The following MAGEA12 variants were observed in gnomAD, a reference collection of about 807,000 sequenced individuals.
MAGEA12 encodes the protein MAGE family member A12.
For synonymous variants in MAGEA12, 135 were observed against 104.7 expected (o/e 1.29, Z -1.77); for missense variants, 235 against 240.1 (o/e 0.98, Z 0.14).
At chrX:152,734,790 C>T (rs1932268671) in intron 1 of MAGEA12, among the ~76,000 whole-genome samples, 1 of 112,240 alleles carries the variant, frequency 8.9e-6, no homozygotes, top group Non-Finnish European at 1.9e-5. Context: ...CCAAGGTGTG[C>T]CCCCTTCATG....
chrX:152,736,317 G>A lies in MAGEA12; in HGVS notation c.156G>A (p.Glu52=). Residue 52 remains glutamate, a synonymous_variant, in exon 3 of 3, where the codon GAG becomes GAA. Coordinates refer to ENST00000393869, the MANE Select transcript of MAGEA12 (RefSeq NM_001166387.4). The part of the protein sequence containing the change: ...SSTLVEVTLR[E]VPAAESPSPP... The stretch of plus-strand genomic sequence containing the variant: ...CTCTAGTGGAAGTCACCCTGCGGGA[G>A]GTGCCTGCTGCCGAGTCACCAAGTC... 1 of 1,211,445 alleles carries A rather than the reference G, an allele frequency of 8.3e-7. No homozygotes were observed. The highest frequency in any genetic ancestry group is 1.7e-5 in the African/African-American group (1 of 57,658).
chrX:152,735,971 C>T (rs1932308998), intron 2 of MAGEA12, 116 bp from the exon 3 acceptor site: 2 of 475,488 alleles, frequency 4.2e-6, no homozygotes, highest in Non-Finnish European at 3.6e-6. Context: ...CCGCACCGGC[C>T]CCAGAACACA....
rs1932357767 is a variant in MAGEA12 at position 152,737,595 on chromosome X, TG to T, written c.*490del. On this transcript the variant is annotated 3_prime_UTR_variant, in exon 3 of 3. Coordinates refer to ENST00000393869, the MANE Select transcript of MAGEA12 (RefSeq NM_001166387.4). ...TATACCTCACTCTATTCTGTAAATT[TG>T]AAAAAAAAGCATGGATACCTGGATA... is the stretch of plus-strand genomic sequence containing the variant. 1.7e-5 allele frequency: 3 copies of T among 181,492 alleles called. No homozygotes were observed. Among genetic ancestry groups the T allele is most frequent in the Non-Finnish European group, 3.3e-5 (3 of 91,870 alleles). The allele number at this position is 181,492 out of a possible 1,213,427, so 15.0% of individuals were successfully genotyped here.
chrX:152,736,275 T>C lies in MAGEA12; in HGVS notation c.114T>C (p.Thr38=), dbSNP rs781840201. 8.3e-7 allele frequency: 1 copy of C among 1,211,179 alleles called. No individual in the cohort carries two copies. The highest frequency in any genetic ancestry group is 1.8e-5 in the South Asian group (1 of 56,961). Residue 38 remains threonine (T), a synonymous_variant, in exon 3 of 3, where the codon ACT becomes ACC. Coordinates refer to ENST00000393869, the MANE Select transcript of MAGEA12 (RefSeq NM_001166387.4). ...AQAPATEEQE[T]ASSSSTLVEV... ...CTCCTGCTACTGAGGAGCAGGAGAC[T>C]GCCTCCTCCTCCTCTACTCTAGTGG...
rs782159959 is a variant in MAGEA12 at position 152,736,947 on chromosome X, C to T, written c.786C>T (p.Pro262=). Residue 262 remains proline (P), a synonymous_variant, in exon 3 of 3, where the codon CCC becomes CCT. Transcript: ENST00000393869. ...QENYLEYRQV[P]GSDPACYEFL... ...ACTACCTGGAGTACCGGCAGGTCCCCGGCAGTGATCCTGCATGCTACGAGT... is the reference window on the plus strand; with the variant it reads ...ACTACCTGGAGTACCGGCAGGTCCCTGGCAGTGATCCTGCATGCTACGAGT... 7.4e-6 allele frequency: 9 copies of T among 1,210,399 alleles called. No individual in the cohort carries two copies. The highest frequency in any genetic ancestry group is 4.4e-5 in the Admixed American group (2 of 45,855).
chrX:152,734,488 T>G (rs781925741), intron 1 of MAGEA12, among the ~76,000 whole-genome samples: 72 of 111,058 alleles, frequency 6.5e-4, no homozygotes, highest in African/African-American at 2.0e-3. Context: ...AAAGTACCCC[T>G]GTCTCAAACT....
At chrX:152,733,905 G>A in intron 1 of MAGEA12, 46 bp downstream of exon 1, 1 of 110,245 alleles carries the variant, frequency 9.1e-6, no homozygotes, top group Non-Finnish European at 1.9e-5. Context: ...CCCAGACAGA[G>A]GGCCCCCAAT....
chrX:152,736,055 A>G, intron 2 of MAGEA12, 32 bp from the exon 3 acceptor site: 1 of 870,831 alleles, frequency 1.1e-6, no homozygotes, highest in Non-Finnish European at 1.6e-6. Context: ...GGCCGGCTGT[A>G]CCCTGAGGCG....
At position 152,737,056 on chromosome X, in the gene MAGEA12, A is replaced by T. The variant is rs371312517; in HGVS notation, c.895A>T (p.Ile299Phe). The change falls in exon 3 of 3, where the codon ATT becomes TTT. Residue 299 changes from isoleucine to phenylalanine, a missense_variant. Ile to Phe is a conservative substitution (Grantham distance 21). Transcript: ENST00000393869. ...GCTAAAGATCAGTGGAGGACCTCAC[A>T]TTTCCTACCCACCCCTGCATGAATG... is the stretch of plus-strand genomic sequence containing the variant. ...HLLKISGGPH[I>F]SYPPLHEWAF... 2.9e-5 allele frequency: 35 copies of T among 1,211,781 alleles called. No individual in the cohort carries two copies. The highest frequency in any genetic ancestry group is 3.8e-5 in the Non-Finnish European group (34 of 895,495).
rs1461897386 is a variant in MAGEA12 at position 152,735,156 on chromosome X, G to A, written c.-173G>A. ...CTCACTTCTGTTTCCAGATCTCAGG[G>A]AGTTGAGGACCTTTTCTTCAGAGGG... On this transcript the variant is annotated 5_prime_UTR_variant, in exon 2 of 3. Coordinates refer to ENST00000393869, the MANE Select transcript of MAGEA12 (RefSeq NM_001166387.4). 4 of 113,361 alleles carry A rather than the reference G, an allele frequency of 3.5e-5. No homozygotes were observed. Among genetic ancestry groups the A allele is most frequent in the African/African-American group, 1.3e-4 (4 of 30,891 alleles). The allele number at this position is 113,361 out of a possible 1,213,427, so 9.3% of individuals were successfully genotyped here. A position where few individuals can be genotyped will look rare whatever the true frequency, so the allele number is the denominator to read the frequency against.
intron 1 of MAGEA12, among the ~76,000 whole-genome samples, chrX:152,734,284 G>GC (rs1464293756): frequency 1.8e-5 from 2 of 108,725 alleles, no homozygotes; most frequent in East Asian, 5.9e-4. Flanking sequence ...TCGGAGCTTT[G>GC]CCCCTGCAAT....
At position 152,736,418 on chromosome X, in the gene MAGEA12, G is replaced by A; in HGVS notation, c.257G>A (p.Gly86Asp). ...NYTLWSQSDE[G>D]SSNEEQEGPS... ...ACTCTCTGGAGTCAATCCGATGAGG[G>A]CTCCAGCAACGAAGAACAGGAAGGG... is the stretch of plus-strand genomic sequence containing the variant. Residue 86 changes from glycine to aspartate, a missense_variant, in exon 3 of 3, where the codon GGC (glycine) becomes GAC (aspartate). Gly to Asp is a moderately conservative substitution (Grantham distance 94). Transcript: ENST00000393869. The A allele has an allele frequency of 6.6e-6, 8 of 1,211,520 alleles. No homozygotes were observed. Among genetic ancestry groups the A allele is most frequent in the Non-Finnish European group, 8.9e-6 (8 of 895,347 alleles).
At chrX:152,735,354 T>A (rs1382116990) in intron 2 of MAGEA12, 101 bp downstream of exon 2, 1 of 115,874 alleles carries the variant, frequency 8.6e-6, no homozygotes, top group Non-Finnish European at 1.9e-5. Flanking sequence ...TCAGAGAGCC[T>A]GGGCAAGGCT....
intron 1 of MAGEA12, among the ~76,000 whole-genome samples, chrX:152,734,245 G>A (rs1218267881): frequency 5.4e-5 from 4 of 74,242 alleles, no homozygotes; most frequent in African/African-American, 2.1e-4. Flanking sequence ...CCCAAACCCC[G>A]ATTCCCATCC....
Position 152,736,416 on chromosome X carries a change from G to A in MAGEA12, c.255G>A (p.Glu85=). ...INYTLWSQSD[E]GSSNEEQEGP... ...ATACTCTCTGGAGTCAATCCGATGAGGGCTCCAGCAACGAAGAACAGGAAG... is the reference window on the plus strand; with the variant it reads ...ATACTCTCTGGAGTCAATCCGATGAAGGCTCCAGCAACGAAGAACAGGAAG... The change falls in exon 3 of 3, where the codon GAG becomes GAA. Residue 85 remains glutamate (E), a synonymous_variant. Coordinates refer to ENST00000393869, the MANE Select transcript of MAGEA12 (RefSeq NM_001166387.4). The A allele has an allele frequency of 8.3e-7, 1 of 1,211,601 alleles. No homozygotes were observed. Among genetic ancestry groups the A allele is most frequent in the Middle Eastern group, 2.3e-4 (1 of 4,351 alleles).
chrX:152,737,500 G>A lies in MAGEA12; in HGVS notation c.*394G>A. ...GTGGAAAAAGTATGTGCTTAGAATTGTGAAAGAATTAGCAGTAAAATACAT... is the reference window on the plus strand; with the variant it reads ...GTGGAAAAAGTATGTGCTTAGAATTATGAAAGAATTAGCAGTAAAATACAT... On this transcript the variant is annotated 3_prime_UTR_variant, in exon 3 of 3. Coordinates refer to ENST00000393869, the MANE Select transcript of MAGEA12 (RefSeq NM_001166387.4). 3.5e-6 allele frequency: 1 copy of A among 284,100 alleles called. No homozygotes were observed. The allele number at this position is 284,100 out of a possible 1,213,427, so 23.4% of individuals were successfully genotyped here. A position where few individuals can be genotyped will look rare whatever the true frequency, so the allele number is the denominator to read the frequency against.
At chrX:152,733,911 C>G (rs1321084874) in intron 1 of MAGEA12, 52 bp downstream of exon 1, 1 of 110,259 alleles carries the variant, frequency 9.1e-6, no homozygotes, top group Non-Finnish European at 1.9e-5. Flanking sequence ...CAGAGGGCCC[C>G]CAATAATCCA....
At chrX:152,734,030 C>T (rs1218331118) in intron 1 of MAGEA12, 171 bp downstream of exon 1, 1 of 110,913 alleles carries the variant, frequency 9.0e-6, no homozygotes, top group Non-Finnish European at 1.9e-5. Flanking sequence ...GCAGGGAACT[C>T]TGGTGTAAGA....
At chrX:152,734,452 CT>C (rs1278518265) in intron 1 of MAGEA12, among the ~76,000 whole-genome samples, 1 of 111,168 alleles carries the variant, frequency 9.0e-6, no homozygotes, top group African/African-American at 3.3e-5. Context: ...GTCCGGAGGG[CT>C]CCCAGCATGC....
Sources: gnomAD v4.1 joint callset for allele counts (sites outside exome capture counted in the v4.1 genomes callset) on GRCh38, gnomAD v4.1.1 for gene constraint, MANE v1.5 for transcripts, NCBI Gene and HGNC (gene_info 2026-07-23, HGNC 2026-07-21) for gene names.